METAP2: variants seen among roughly 807,000 people sequenced by gnomAD.
METAP2 encodes methionyl aminopeptidase 2.
In METAP2, 25 loss-of-function variants were observed where a neutral mutation model predicts 59.4. That is an observed-to-expected ratio of 0.42 (90% CI 0.31 to 0.59). METAP2 has a LOEUF of 0.59. Among genes scored for constraint, METAP2 ranks in the 20% least tolerant of loss-of-function variants. The pLI, the probability that METAP2 is intolerant of heterozygous loss-of-function variation, is 0.16. For synonymous variants in METAP2, 214 were observed against 194.1 expected, an observed-to-expected ratio of 1.10 and a Z score of -0.85; for missense variants, 366 against 581.2, an observed-to-expected ratio of 0.63 and a Z score of 3.81.
intron 7 of METAP2, among the ~76,000 whole-genome samples, chr12:95,501,671 C>T (rs1345669799): frequency 6.6e-6 from 1 of 151,098 alleles, no homozygotes; most frequent in Non-Finnish European, 1.5e-5. Flanking sequence ...GCTGAGATTG[C>T]GCCACTGCAC....
intron 8 of METAP2, among the ~76,000 whole-genome samples, chr12:95,508,133 A>G (rs1391642183): frequency 6.6e-6 from 1 of 151,926 alleles, no homozygotes; most frequent in African/African-American, 2.4e-5. Flanking sequence ...AAATTTTTAC[A>G]ATTTATTTTT....
At chr12:95,487,823 A>G (rs2076208766) in intron 4 of METAP2, among the ~76,000 whole-genome samples, 1 of 152,190 alleles carries the variant, frequency 6.6e-6, no homozygotes, top group Admixed American at 6.6e-5. Flanking sequence ...CAAGTCAATT[A>G]GAATAGTTCT....
chr12:95,513,090 TACACAC>T (rs60788079), intron 10 of METAP2, among the ~76,000 whole-genome samples, 174 bp downstream of exon 10: 1,474 of 136,164 alleles, frequency 0.011, 20 homozygotes, highest in South Asian at 0.049. Context: ...AGATAAAAAT[TACACAC>T]ACACACACAC....
intron 8 of METAP2, 74 bp from the exon 9 acceptor site, chr12:95,511,821 T>C (rs2076405052): frequency 9.8e-7 from 1 of 1,019,982 alleles, no homozygotes; most frequent in Admixed American, 2.2e-5. Flanking sequence ...TTGAACTCTG[T>C]ACCAAAATGT....
At chr12:95,480,070 A>G (rs912960456) in intron 2 of METAP2, among the ~76,000 whole-genome samples, 1 of 152,214 alleles carries the variant, frequency 6.6e-6, no homozygotes, top group Non-Finnish European at 1.5e-5. Flanking sequence ...CACTATACCT[A>G]ACCCTTAGCA....
chr12:95,509,409 C>T (rs558709260), intron 8 of METAP2, among the ~76,000 whole-genome samples: 10 of 152,198 alleles, frequency 6.6e-5, no homozygotes, highest in South Asian at 2.1e-4. Flanking sequence ...TTTTTGAAGA[C>T]GAAAATGAGG....
intron 3 of METAP2, 21 bp from the exon 4 acceptor site, chr12:95,485,852 AGTTAAT>A: frequency 2.9e-6 from 4 of 1,394,354 alleles, no homozygotes; most frequent in South Asian, 2.7e-5. Context: ...TAACTACAGA[AGTTAAT>A]GCTTTATTTG....
intron 7 of METAP2, among the ~76,000 whole-genome samples, chr12:95,500,958 T>A (rs1264613833): frequency 6.6e-6 from 1 of 151,804 alleles, no homozygotes; most frequent in Non-Finnish European, 1.5e-5. Flanking sequence ...AAATGTTTGG[T>A]AGAATTAACC....
chr12:95,497,630 A>G (rs905919140), intron 7 of METAP2, among the ~76,000 whole-genome samples: 1 of 152,106 alleles, frequency 6.6e-6, no homozygotes, highest in African/African-American at 2.4e-5. Flanking sequence ...ATATCTTTTT[A>G]AACTTTTTGA....
At chr12:95,509,869 G>A (rs1413841680) in intron 8 of METAP2, among the ~76,000 whole-genome samples, 2 of 123,868 alleles carry the variant, frequency 1.6e-5, no homozygotes, top group Admixed American at 8.7e-5. Context: ...TTTTTTTTGA[G>A]ACTCTGTCGC....
chr12:95,492,000 G>A (rs1327413928), intron 4 of METAP2, among the ~76,000 whole-genome samples: 1 of 152,094 alleles, frequency 6.6e-6, no homozygotes, highest in African/African-American at 2.4e-5. Context: ...TAGAGATGGA[G>A]TCTTGTTATG....
chr12:95,477,097 ACT>A (rs747375239), intron 2 of METAP2, among the ~76,000 whole-genome samples: 3 of 147,536 alleles, frequency 2.0e-5, no homozygotes, highest in African/African-American at 7.5e-5. Context: ...TGTTCCTTTT[ACT>A]CTCTATTTTT....
At chr12:95,504,186 A>T in intron 8 of METAP2, 25 bp downstream of exon 8, 1 of 1,446,634 alleles carries the variant, frequency 6.9e-7, no homozygotes, top group Non-Finnish European at 9.6e-7. Context: ...AATATATCTT[A>T]TTTTGAAATT....
At chr12:95,495,314 A>C (rs1323749725) in intron 6 of METAP2, among the ~76,000 whole-genome samples, 176 bp downstream of exon 6, 2 of 152,120 alleles carry the variant, frequency 1.3e-5, no homozygotes, top group Non-Finnish European at 2.9e-5. Flanking sequence ...TATAGGAGAG[A>C]GAGGCAGTTG....
intron 8 of METAP2, among the ~76,000 whole-genome samples, chr12:95,507,365 G>C (rs1159840910): frequency 6.6e-6 from 1 of 152,182 alleles, no homozygotes; most frequent in African/African-American, 2.4e-5. Flanking sequence ...CTTCCAAATC[G>C]CTCTTCGCAT....
chr12:95,487,474 T>A (rs977576064), intron 4 of METAP2, among the ~76,000 whole-genome samples: 10 of 152,280 alleles, frequency 6.6e-5, no homozygotes, highest in African/African-American at 2.4e-4. Flanking sequence ...AATCGTCAAT[T>A]GTCCCTATCT....
intron 8 of METAP2, among the ~76,000 whole-genome samples, chr12:95,507,705 CCT>C (rs2076371980): frequency 1.3e-5 from 2 of 152,194 alleles, no homozygotes; most frequent in Non-Finnish European, 2.9e-5. Flanking sequence ...CCTAGTGGCT[CCT>C]CTCAGTGTGA....
At chr12:95,483,493 A>AG (rs2076174603) in intron 3 of METAP2, 1 of 445,784 alleles carries the variant, frequency 2.2e-6, no homozygotes, top group Admixed American at 3.8e-5. Context: ...AAAAAAAAAA[A>AG]AAAAAGAAGT....
At chr12:95,492,613 T>C (rs1325023985) in intron 4 of METAP2, among the ~76,000 whole-genome samples, 1 of 152,164 alleles carries the variant, frequency 6.6e-6, no homozygotes, top group Admixed American at 6.6e-5. Context: ...TTGCCCAGGC[T>C]GGGGTATAGT....
Sources: allele counts gnomAD v4.1 joint callset (sites outside exome capture counted in the v4.1 genomes callset), GRCh38; gene constraint gnomAD v4.1.1; transcripts MANE v1.5; gene names NCBI Gene and HGNC (gene_info 2026-07-23, HGNC 2026-07-21).